CYB561: variants seen among roughly 807,000 people sequenced by gnomAD.
The protein encoded by CYB561 is cytochrome b561, also known as transmembrane ascorbate-dependent reductase CYB561.
In CYB561, 11 loss-of-function variants were observed where a neutral mutation model predicts 25.3. That is an observed-to-expected ratio of 0.44 (90% CI 0.27 to 0.72). The LOEUF (loss-of-function observed/expected upper bound fraction) is 0.72, where lower values mean the gene tolerates loss of function less well. Ranked by LOEUF, CYB561 falls within the 30% of genes least tolerant of loss-of-function variation. The pLI, the probability that CYB561 is intolerant of heterozygous loss-of-function variation, is 0.18. For synonymous variants in CYB561, 165 were observed against 158.8 expected (o/e 1.04, Z -0.29); for missense variants, 295 against 334.9 (o/e 0.88, Z 0.93).
In CYB561 at chr17:63,434,549, C is replaced by T. The variant is rs746490561; in HGVS notation, c.609G>A (p.Val203=). The change falls in exon 6 of 6, where the codon GTG becomes GTA. Residue 203 remains valine (V), a synonymous_variant. Coordinates refer to ENST00000360793, the MANE Select transcript of CYB561 (RefSeq NM_001915.4). ...AFEPEGVLAN[V]LGLLLACFGG... The stretch of plus-strand genomic sequence containing the variant: ...CGAAGCAGGCCAGCAGCAGGCCCAG[C>T]ACGTTGGCCAGGACACCCTCGGGCT... 2 of 1,613,022 alleles carry T rather than the reference C, an allele frequency of 1.2e-6. No individual in the cohort carries two copies. The highest frequency in any genetic ancestry group is 1.7e-6 in the Non-Finnish European group (2 of 1,179,990).
chr17:63,436,019 G>T lies in CYB561; in HGVS notation c.301+35C>A. ...CTGTTTGCCATACCTGAAGAGGCAG[G>T]CAGGTGGCGGGGAAGGCCGCGCCCG... is the stretch of plus-strand genomic sequence containing the variant. On this transcript the variant is annotated intron_variant, in intron 3 of 5. Transcript: ENST00000360793. This position sits in a 1 kb window ranked among gnomAD's most constrained non-coding sequence, Gnocchi z 4.8. 1 of 1,613,718 alleles carries T rather than the reference G, an allele frequency of 6.2e-7. No homozygotes were observed. Among genetic ancestry groups the T allele is most frequent in the Non-Finnish European group, 8.5e-7 (1 of 1,179,858 alleles).
rs1213642776 is a variant in CYB561 at position 63,434,494 on chromosome 17, C to A, written c.664G>T (p.Ala222Ser). ...GCCTGGGAAGGCCGCTTCCAGTCGG[C>A]CCGGGTCAAGATGTAGAGCACCGCC... The part of the protein sequence containing the change: ...GGAVLYILTR[A>S]DWKRPSQAEE... The change falls in exon 6 of 6, where the codon GCC (alanine) becomes TCC (serine). Residue 222 changes from alanine (A) to serine (S), a missense_variant. Transcript: ENST00000360793. 1 of 1,613,094 alleles carries A rather than the reference C, an allele frequency of 6.2e-7. No individual in the cohort carries two copies. Among genetic ancestry groups the A allele is most frequent in the Non-Finnish European group, 8.5e-7 (1 of 1,179,744 alleles).
chr17:63,437,260 G>T, intron 2 of CYB561, 86 bp downstream of exon 2: 1 of 1,025,586 alleles, frequency 9.8e-7, no homozygotes, highest in Non-Finnish European at 1.5e-6. Flanking sequence ...AACCAGAAGA[G>T]ACCGCAGGGG....
chr17:63,434,528 G>A lies in CYB561; in HGVS notation c.630C>T (p.Cys210=), dbSNP rs1202841707. The A allele has an allele frequency of 6.2e-7, 1 of 1,613,348 alleles. No homozygotes were observed. Among genetic ancestry groups the A allele is most frequent in the East Asian group, 2.2e-5 (1 of 44,898 alleles). The change falls in exon 6 of 6, where the codon TGC becomes TGT. Residue 210 remains cysteine (C), a synonymous_variant. Transcript: ENST00000360793. ...AGATGTAGAGCACCGCCCCACCGAA[G>A]CAGGCCAGCAGCAGGCCCAGCACGT... ...LANVLGLLLA[C]FGGAVLYILT...
intron 2 of CYB561, chr17:63,437,118 C>T: frequency 5.4e-6 from 3 of 557,762 alleles, no homozygotes; most frequent in South Asian, 4.7e-5. Context: ...TGTGTGGAAA[C>T]GAGGTGAAAA....
chr17:63,442,241 C>T (rs932945819), intron 1 of CYB561, among the ~76,000 whole-genome samples: 2 of 152,182 alleles, frequency 1.3e-5, no homozygotes, highest in African/African-American at 4.8e-5. Context: ...ACAGGACTCT[C>T]GTGAGGCCAT....
intron 2 of CYB561, chr17:63,437,019 C>T: frequency 2.5e-6 from 1 of 392,158 alleles, no homozygotes; most frequent in East Asian, 4.9e-5. Context: ...TACTTTTTTT[C>T]CCTCAATTCA....
At chr17:63,434,929 A>G (rs2049277380) in intron 5 of CYB561, among the ~76,000 whole-genome samples, 157 bp downstream of exon 5, 1 of 152,256 alleles carries the variant, frequency 6.6e-6, no homozygotes, top group Non-Finnish European at 1.5e-5. Flanking sequence ...ACCAAAGCCA[A>G]GCCCCAAGCA....
chr17:63,446,184 T>C (rs1242143432), intron 1 of CYB561, 61 bp downstream of exon 1: 1 of 152,082 alleles, frequency 6.6e-6, no homozygotes, highest in Non-Finnish European at 1.5e-5. Flanking sequence ...AGGGCTCACC[T>C]GGGCCGCCCC....
rs1470263944 is a variant in CYB561, at chr17:63,432,900, G to A, written c.*1502C>T. The A allele has an allele frequency of 3.9e-5, 6 of 152,520 alleles. No homozygotes were observed. The highest frequency in any genetic ancestry group is 1.2e-4 in the African/African-American group (5 of 41,586). The allele number at this position is 152,520 out of a possible 1,614,324, so 9.4% of individuals were successfully genotyped here. A position where few individuals can be genotyped will look rare whatever the true frequency, so the allele number is the denominator to read the frequency against. On this transcript the variant is annotated 3_prime_UTR_variant, in exon 6 of 6. Coordinates refer to ENST00000360793, the MANE Select transcript of CYB561 (RefSeq NM_001915.4). ...AAGGGCAGCCATTACAAGAAGAAGA[G>A]TCGTCAGGTTTGGAAACTGTATATT...
chr17:63,438,601 G>C (rs2049342233), intron 1 of CYB561, among the ~76,000 whole-genome samples: 1 of 152,184 alleles, frequency 6.6e-6, no homozygotes, highest in African/African-American at 2.4e-5. Context: ...CCGCACTCTA[G>C]AGGGGCCCTC....
At chr17:63,438,462 C>A (rs2049339596) in intron 1 of CYB561, among the ~76,000 whole-genome samples, 1 of 150,168 alleles carries the variant, frequency 6.7e-6, no homozygotes, top group Admixed American at 6.6e-5. Flanking sequence ...CACGCCCCCG[C>A]CCGCCCCCCA....
At chr17:63,442,417 C>G (rs1187376153) in intron 1 of CYB561, among the ~76,000 whole-genome samples, 1 of 152,128 alleles carries the variant, frequency 6.6e-6, no homozygotes, top group Non-Finnish European at 1.5e-5. Flanking sequence ...AGATTTCTCC[C>G]TAGGAAGCAA....
chr17:63,435,636 C>A, intron 4 of CYB561, 52 bp downstream of exon 4: 1 of 1,446,220 alleles, frequency 6.9e-7, no homozygotes, highest in Non-Finnish European at 9.7e-7. Flanking sequence ...TCCCCTCCTC[C>A]TCCCACCTCC....
chr17:63,435,817 G>A (rs773374609), intron 3 of CYB561, 26 bp from the exon 4 acceptor site: 3 of 1,608,882 alleles, frequency 1.9e-6, no homozygotes, highest in Non-Finnish European at 2.6e-6. Context: ...GTCATATGAG[G>A]ACAGGGTTGG....
At chr17:63,435,945 G>A (rs1304811237) in intron 3 of CYB561, 109 bp downstream of exon 3, 29 of 1,595,846 alleles carry the variant, frequency 1.8e-5, no homozygotes, top group Non-Finnish European at 2.3e-5. Context: ...GTTTGGGGTG[G>A]GGGCGGGCCC....
At chr17:63,434,622 T>G (rs2049273600) in intron 5 of CYB561, 28 bp from the exon 6 acceptor site, 1 of 1,588,282 alleles carries the variant, frequency 6.3e-7, no homozygotes, top group Admixed American at 1.7e-5. Flanking sequence ...AGGGAGAAGC[T>G]GCCCAAGGGG....
intron 1 of CYB561, among the ~76,000 whole-genome samples, chr17:63,441,854 C>G (rs537354661): frequency 6.6e-6 from 1 of 152,230 alleles, no homozygotes; most frequent in Admixed American, 6.5e-5. Flanking sequence ...AGTCCTCCTG[C>G]GTCCTCCCCG....
At chr17:63,439,487 CGCACCACT>C (rs1178654073) in intron 1 of CYB561, among the ~76,000 whole-genome samples, 2 of 151,776 alleles carry the variant, frequency 1.3e-5, no homozygotes, top group Non-Finnish European at 2.9e-5. Flanking sequence ...GGGCCAAGAT[CGCACCACT>C]GCATTCCAGC....
Sources: allele counts gnomAD v4.1 joint callset (sites outside exome capture counted in the v4.1 genomes callset), GRCh38; gene constraint gnomAD v4.1.1; non-coding constraint Gnocchi (gnomAD v3.1); transcripts MANE v1.5; gene names NCBI Gene and HGNC (gene_info 2026-07-23, HGNC 2026-07-21).